CNTN5: variants seen among roughly 807,000 people sequenced by gnomAD.
The protein encoded by CNTN5 is contactin-5.
Under a neutral mutation model 129.1 loss-of-function variants are expected in CNTN5, and 77 were observed. The observed-to-expected ratio is 0.60, with a 90% CI of 0.50 to 0.72. The LOEUF is 0.72. CNTN5 is among the 30% of genes least tolerant of loss of function. The pLI, the probability that CNTN5 is intolerant of heterozygous loss-of-function variation, is 0.00. For synonymous variants in CNTN5, 509 were observed against 465.6 expected, an observed-to-expected ratio of 1.09 and a Z score of -1.20; for missense variants, 1,478 against 1,328.8, an observed-to-expected ratio of 1.11 and a Z score of -1.75.
chr11:99,951,926 A>C (rs577741643), intron 7 of CNTN5, among the ~76,000 whole-genome samples: 29 of 152,298 alleles, frequency 1.9e-4, no homozygotes, highest in African/African-American at 7.0e-4. Context: ...ATACATTTCT[A>C]TCTCAAATAT....
rs11221801 is a variant in CNTN5 at position 99,894,811 on chromosome 11, C to T, written c.578-21243C>T. 1.2e-3 allele frequency among the ~76,000 whole-genome samples: 178 copies of T among 152,190 alleles called. 1 individual carries two copies. Among genetic ancestry groups the T allele is most frequent in the Non-Finnish European group, 2.2e-3 (147 of 68,002 alleles). On this transcript the variant is annotated intron_variant, in intron 6 of 24. Transcript: ENST00000524871. ...GAGGATTTATATAAAATGTAAGTTA[C>T]GTGGTTTTGGATTTAGAAACATCTA...
At chr11:100,266,248 G>A (rs1950300992) in intron 17 of CNTN5, among the ~76,000 whole-genome samples, 1 of 152,008 alleles carries the variant, frequency 6.6e-6, no homozygotes, top group South Asian at 2.1e-4. Context: ...TCTTAGATGT[G>A]ATTCTTTTGC....
intron 7 of CNTN5, among the ~76,000 whole-genome samples, chr11:99,938,443 G>T (rs1363396099): frequency 2.6e-5 from 4 of 152,106 alleles, no homozygotes; most frequent in African/African-American, 7.2e-5. Context: ...TTGAGAGACA[G>T]ATTTATTCTT....
At chr11:99,029,779 G>A (rs1863274912) in intron 1 of CNTN5, among the ~76,000 whole-genome samples, 1 of 152,124 alleles carries the variant, frequency 6.6e-6, no homozygotes, top group Non-Finnish European at 1.5e-5. Context: ...AAGATTAGAT[G>A]ATATTTGAGT....
At chr11:100,154,550 G>C (rs535669512) in intron 13 of CNTN5, among the ~76,000 whole-genome samples, 1 of 152,270 alleles carries the variant, frequency 6.6e-6, no homozygotes, top group East Asian at 1.9e-4. Flanking sequence ...TAGTGGGATT[G>C]CTGGGTCAAA....
At chr11:99,546,570 A>G (rs574347541) in intron 2 of CNTN5, among the ~76,000 whole-genome samples, 5 of 152,242 alleles carry the variant, frequency 3.3e-5, no homozygotes, top group South Asian at 4.1e-4. Flanking sequence ...ACATTTGTAG[A>G]TCTCATGACT....
At chr11:99,860,879 G>A (rs533939156) in intron 6 of CNTN5, among the ~76,000 whole-genome samples, 33 of 150,910 alleles carry the variant, frequency 2.2e-4, no homozygotes, top group Non-Finnish European at 3.8e-4. Context: ...TGAATCTGTA[G>A]ATTACTTTGG....
chr11:100,130,912 T>TA (rs779220777), intron 13 of CNTN5, among the ~76,000 whole-genome samples: 5 of 152,050 alleles, frequency 3.3e-5, no homozygotes, highest in Admixed American at 6.6e-5. Flanking sequence ...CCATCTCCCA[T>TA]AAAAATTTTC....
intron 1 of CNTN5, among the ~76,000 whole-genome samples, chr11:99,302,226 T>A (rs1429167574): frequency 6.6e-6 from 1 of 151,224 alleles, no homozygotes; most frequent in Non-Finnish European, 1.5e-5. Context: ...ATATTAAAGC[T>A]GAAAAGTAAG....
chr11:99,408,490 G>GAAAGAAAGA (rs1942234572), intron 2 of CNTN5, among the ~76,000 whole-genome samples: 1 of 146,580 alleles, frequency 6.8e-6, no homozygotes. Flanking sequence ...AAGAAAGAAA[G>GAAAGAAAGA]AAAGAAAGAA....
intron 1 of CNTN5, among the ~76,000 whole-genome samples, chr11:99,054,096 G>A (rs189558731): frequency 1.1e-3 from 165 of 152,060 alleles, no homozygotes; most frequent in Admixed American, 1.8e-3. Flanking sequence ...ATAAATACAT[G>A]TAAGATGCAG....
At chr11:99,874,365 T>TAGAGCTCAACATGTTGC (rs1280803532) in intron 6 of CNTN5, among the ~76,000 whole-genome samples, 1 of 152,174 alleles carries the variant, frequency 6.6e-6, no homozygotes, top group African/African-American at 2.4e-5. Context: ...ACACATGGTT[T>TAGAGCTCAACATGTTGC]AGAGCTCAAC....
chr11:99,213,364 A>ATGTATATACATATATACACG (rs1369579249), intron 1 of CNTN5, among the ~76,000 whole-genome samples: 605 of 55,988 alleles, frequency 0.011, 5 homozygotes, highest in Non-Finnish European at 0.022. Flanking sequence ...ATGTGTATAT[A>ATGTATATACATATATACACG]TGTATATATG....
At chr11:100,299,069 A>T in intron 19 of CNTN5, 93 bp from the exon 20 acceptor site, 2 of 752,552 alleles carry the variant, frequency 2.7e-6, no homozygotes, top group Non-Finnish European at 4.2e-6. Flanking sequence ...CCCTTTCTCT[A>T]GCTATCTATA....
intron 1 of CNTN5, among the ~76,000 whole-genome samples, chr11:99,275,081 G>A (rs953181806): frequency 6.0e-5 from 9 of 151,184 alleles, no homozygotes; most frequent in African/African-American, 2.2e-4. Flanking sequence ...ATATGCCATA[G>A]TTAATTATAA....
chr11:99,351,089 G>T (rs1938265172), intron 2 of CNTN5, among the ~76,000 whole-genome samples: 1 of 151,932 alleles, frequency 6.6e-6, no homozygotes, highest in Non-Finnish European at 1.5e-5. Flanking sequence ...GATGGGTGCA[G>T]CAAACCACCA....
intron 2 of CNTN5, among the ~76,000 whole-genome samples, chr11:99,545,400 A>G (rs1330977974): frequency 6.6e-6 from 1 of 152,214 alleles, no homozygotes; most frequent in Non-Finnish European, 1.5e-5. Context: ...GTAAATCATT[A>G]AAAGCCCAAT....
At chr11:100,054,863 C>G (rs1050627697) in intron 9 of CNTN5, among the ~76,000 whole-genome samples, 1 of 151,490 alleles carries the variant, frequency 6.6e-6, no homozygotes, top group East Asian at 1.9e-4. Flanking sequence ...TTGTACTTTT[C>G]TCTACACAGT....
intron 1 of CNTN5, among the ~76,000 whole-genome samples, chr11:99,188,119 CT>C (rs1858446718): frequency 6.6e-6 from 1 of 151,648 alleles, no homozygotes; most frequent in South Asian, 2.1e-4. Flanking sequence ...AAAAATTATT[CT>C]TTTTATAGGT....
Sources: allele counts gnomAD v4.1 joint callset (sites outside exome capture counted in the v4.1 genomes callset), GRCh38; gene constraint gnomAD v4.1.1; transcripts MANE v1.5; gene names NCBI Gene and HGNC (gene_info 2026-07-23, HGNC 2026-07-21).